FNDC3B: variants seen among roughly 807,000 people sequenced by gnomAD.
The protein encoded by FNDC3B is fibronectin type III domain containing 3B.
FNDC3B carries 12 observed loss-of-function variants against 151.5 expected under a neutral mutation model. The observed-to-expected ratio is 0.08, with a 90% CI of 0.05 to 0.13. The LOEUF is 0.13. FNDC3B is among the 10% of genes least tolerant of loss of function. FNDC3B has a pLI of 1.00. For synonymous variants in FNDC3B, 528 were observed against 549.0 expected, an observed-to-expected ratio of 0.96 and a Z score of 0.54; for missense variants, 1,214 against 1,505.3, an observed-to-expected ratio of 0.81 and a Z score of 3.20.
At chr3:172,062,872 G>C (rs956865398) in intron 1 of FNDC3B, among the ~76,000 whole-genome samples, 1 of 152,208 alleles carries the variant, frequency 6.6e-6, no homozygotes, top group Middle Eastern at 3.4e-3. Flanking sequence ...GTCAAAATGA[G>C]AGGAGAATGA....
At chr3:172,116,621 A>G (rs1720262342) in intron 2 of FNDC3B, among the ~76,000 whole-genome samples, 1 of 151,986 alleles carries the variant, frequency 6.6e-6, no homozygotes, top group African/African-American at 2.4e-5. Context: ...GCTGGAGTGC[A>G]ATGGCACGAT....
intron 6 of FNDC3B, 81 bp downstream of exon 6, chr3:172,251,622 G>A (rs1728086029): frequency 3.1e-6 from 4 of 1,305,690 alleles, no homozygotes; most frequent in Non-Finnish European, 4.2e-6. Context: ...TTTTACATGA[G>A]AATATTATTT....
intron 3 of FNDC3B, among the ~76,000 whole-genome samples, chr3:172,145,698 A>G (rs1425527004): frequency 3.9e-5 from 6 of 152,228 alleles, no homozygotes; most frequent in Admixed American, 1.3e-4. Context: ...CACAGGTTAA[A>G]GAGCATCTGT....
intron 1 of FNDC3B, among the ~76,000 whole-genome samples, chr3:172,091,496 A>G (rs560030496): frequency 6.6e-6 from 1 of 151,934 alleles, no homozygotes. Context: ...TTTTAAAAAT[A>G]GATTTAGAGA....
At chr3:172,102,343 C>T (rs1719415569) in intron 1 of FNDC3B, among the ~76,000 whole-genome samples, 1 of 152,174 alleles carries the variant, frequency 6.6e-6, no homozygotes, top group South Asian at 2.1e-4. Context: ...AGCTTCAAAG[C>T]TCTTCCTCCA....
rs1379866696 is a variant in FNDC3B, at chr3:172,050,328, CAG to C, written c.-29+10558_-29+10559del. Among the ~76,000 whole-genome samples, 6 of 152,046 alleles carry C rather than the reference CAG, an allele frequency of 3.9e-5. No homozygotes were observed. In the East Asian group the frequency reaches 1.2e-3, roughly 29 times the overall value. On this transcript the variant is annotated intron_variant, in intron 1 of 25. Coordinates refer to ENST00000415807, the MANE Select transcript of FNDC3B (RefSeq NM_022763.4). ...CATTCATTCCAGAACTCCTGGAAAA[CAG>C]TGTCAGATTGCAAGGGTGTGATAGT...
At chr3:172,392,063 T>C (rs746489415) in intron 25 of FNDC3B, among the ~76,000 whole-genome samples, 8 of 152,148 alleles carry the variant, frequency 5.3e-5, no homozygotes, top group Non-Finnish European at 7.4e-5. Context: ...TTCCTTGTGG[T>C]GTAGTCTGAA....
At chr3:172,274,921 A>G (rs941167913) in intron 6 of FNDC3B, among the ~76,000 whole-genome samples, 4 of 152,216 alleles carry the variant, frequency 2.6e-5, no homozygotes, top group Admixed American at 1.3e-4. Flanking sequence ...TAAAGGCCCT[A>G]TCTCCAAATA....
intron 11 of FNDC3B, among the ~76,000 whole-genome samples, chr3:172,315,976 CTCTTT>C (rs1731763006): frequency 6.8e-6 from 1 of 146,550 alleles, no homozygotes; most frequent in East Asian, 2.0e-4. Flanking sequence ...TGCATTGCTT[CTCTTT>C]TCCTTCTTCT....
At chr3:172,255,368 A>ACAGTAAC (rs1728278881) in intron 6 of FNDC3B, among the ~76,000 whole-genome samples, 1 of 152,110 alleles carries the variant, frequency 6.6e-6, no homozygotes, top group African/African-American at 2.4e-5. Flanking sequence ...TCCCAGGTTC[A>ACAGTAAC]AGCGATTCTT....
At chr3:172,135,225 T>G (rs978217611) in intron 3 of FNDC3B, among the ~76,000 whole-genome samples, 3 of 152,076 alleles carry the variant, frequency 2.0e-5, no homozygotes, top group Non-Finnish European at 4.4e-5. Context: ...TCCACCTAAG[T>G]TTACTTTTTG....
At chr3:172,287,505 T>C (rs374527607) in intron 7 of FNDC3B, among the ~76,000 whole-genome samples, 1 of 152,086 alleles carries the variant, frequency 6.6e-6, no homozygotes, top group Admixed American at 6.5e-5. Flanking sequence ...TCAGAAAAGG[T>C]GTGAGGGCAG....
In FNDC3B at chr3:172,336,923, C is replaced by A. The variant is rs1179992573; in HGVS notation, c.1781-407C>A. Among the ~76,000 whole-genome samples the A allele has an allele frequency of 6.4e-3, 906 of 142,032 alleles. 10 individuals are homozygous for A. Among genetic ancestry groups the A allele is most frequent in the African/African-American group, 0.02 (760 of 38,824 alleles). The allele number at this position is 142,032 out of a possible 152,430, so 93.2% of individuals were successfully genotyped here. A position where few individuals can be genotyped will look rare whatever the true frequency, so the allele number is the denominator to read the frequency against. On this transcript the variant is annotated intron_variant, in intron 15 of 25. Coordinates refer to ENST00000415807, the MANE Select transcript of FNDC3B (RefSeq NM_022763.4). ...ATCTCAGACGGAAAAAAAAAAAAAA[C>A]AAAAGAATCTAGTCACTGATAAAAT...
At chr3:172,142,539 T>C (rs1021768013) in intron 3 of FNDC3B, among the ~76,000 whole-genome samples, 7 of 152,214 alleles carry the variant, frequency 4.6e-5, no homozygotes, top group African/African-American at 1.7e-4. Context: ...TCACAGCTTG[T>C]AGTCTTTCAG....
intron 11 of FNDC3B, among the ~76,000 whole-genome samples, chr3:172,327,528 G>A (rs1422173409): frequency 6.6e-6 from 1 of 152,184 alleles, no homozygotes; most frequent in Non-Finnish European, 1.5e-5. Context: ...AGCCCCCTGA[G>A]TAGCTGGGAC....
At chr3:172,051,714 T>C (rs1192373797) in intron 1 of FNDC3B, among the ~76,000 whole-genome samples, 2 of 152,182 alleles carry the variant, frequency 1.3e-5, no homozygotes, top group African/African-American at 4.8e-5. Flanking sequence ...TCCATGGTGT[T>C]CTTCAGTTTT....
intron 25 of FNDC3B, among the ~76,000 whole-genome samples, chr3:172,390,106 A>G (rs1218083316): frequency 6.6e-6 from 1 of 152,216 alleles, no homozygotes; most frequent in Non-Finnish European, 1.5e-5. Context: ...CTGAGCATCT[A>G]CTTTGTTCAA....
At chr3:172,356,919 G>A (rs1318984887) in intron 22 of FNDC3B, among the ~76,000 whole-genome samples, 3 of 152,010 alleles carry the variant, frequency 2.0e-5, no homozygotes, top group South Asian at 2.1e-4. Flanking sequence ...TTGACATCCC[G>A]AGCTCTGAGA....
At chr3:172,192,886 C>A (rs2108675390) in intron 3 of FNDC3B, among the ~76,000 whole-genome samples, 1 of 152,088 alleles carries the variant, frequency 6.6e-6, no homozygotes, top group African/African-American at 2.4e-5. Context: ...CTGGAAATAA[C>A]AAAACCAACC....
Sources: allele counts gnomAD v4.1 joint callset (sites outside exome capture counted in the v4.1 genomes callset), GRCh38; gene constraint gnomAD v4.1.1; transcripts MANE v1.5; gene names NCBI Gene and HGNC (gene_info 2026-07-23, HGNC 2026-07-21).